Variants in RIMS2 observed in about 807,000 individuals in gnomAD.
RIMS2 encodes the protein regulating synaptic membrane exocytosis 2.
RIMS2 carries 59 observed loss-of-function variants against 174.4 expected under a neutral mutation model. The observed-to-expected ratio is 0.34, with a 90% confidence interval of 0.27 to 0.42. The LOEUF is 0.42. Ranked by LOEUF, RIMS2 falls within the 10% of genes least tolerant of loss-of-function variation. The pLI, the probability that RIMS2 is intolerant of heterozygous loss-of-function variation, is 1.00. For synonymous variants in RIMS2, 606 were observed against 572.5 expected, an observed-to-expected ratio of 1.06 and a Z score of -0.84; for missense variants, 1,620 against 1,666.3, an observed-to-expected ratio of 0.97 and a Z score of 0.48.
chr8:103,692,767 CCAGA>C (rs761826227), intron 1 of RIMS2, among the ~76,000 whole-genome samples: 6 of 152,134 alleles, frequency 3.9e-5, no homozygotes, highest in South Asian at 2.1e-4. Context: ...ATCCAAGGTG[CCAGA>C]CAAAGTCCTT....
In RIMS2 at chr8:103,507,365, C is replaced by T. The variant is rs144552329; in HGVS notation, c.176+6303C>T. On this transcript the variant is annotated intron_variant, in intron 1 of 23. Transcript: ENST00000504942. ...TCTGTCCACTCTGCTAGATTATCAA[C>T]TCAAAGAGAGCACACACCATGTCTG... Among the ~76,000 whole-genome samples the T allele has an allele frequency of 4.9e-4, 75 of 152,234 alleles. 2 individuals carry two copies. In the East Asian group the frequency reaches 0.013, roughly 27 times the overall value.
At chr8:103,954,186 A>G (rs529414236) in intron 14 of RIMS2, among the ~76,000 whole-genome samples, 4 of 152,290 alleles carry the variant, frequency 2.6e-5, no homozygotes, top group African/African-American at 9.6e-5. Context: ...TCAACATTAG[A>G]CAGATCAACG....
chr8:104,251,143 C>T (rs777274508), exon 23 of RIMS2: 2 of 1,612,074 alleles, frequency 1.2e-6, no homozygotes, highest in Non-Finnish European at 8.5e-7. Context: ...CGAAGAGAGT[C>T]CACAAGGAAA....
chr8:104,090,455 A>T (rs2097631009), intron 19 of RIMS2, among the ~76,000 whole-genome samples: 1 of 151,802 alleles, frequency 6.6e-6, no homozygotes, highest in Non-Finnish European at 1.5e-5. Context: ...AACTACTGAA[A>T]TTGAAAAGCC....
rs139843241 is a variant in RIMS2 at position 104,106,795 on chromosome 8, G to C, written c.3334+92180G>C. Among the ~76,000 whole-genome samples, 279 of 152,266 alleles carry C rather than the reference G, an allele frequency of 1.8e-3. 4 individuals carry two copies. The highest frequency in any genetic ancestry group is 0.01 in the Middle Eastern group (3 of 290). On this transcript the variant is annotated intron_variant, in intron 19 of 23. Coordinates refer to ENST00000504942, the Ensembl canonical transcript of RIMS2. Reference sequence around the variant, plus strand: ...AACTAAATGCAGTATTCTGACCAGTGATTCCCTCATAATCATGTTTATCCC... The same window carrying C: ...AACTAAATGCAGTATTCTGACCAGTCATTCCCTCATAATCATGTTTATCCC...
At chr8:103,698,451 A>G (rs2097131984) in intron 2 of RIMS2, among the ~76,000 whole-genome samples, 1 of 152,184 alleles carries the variant, frequency 6.6e-6, no homozygotes, top group Admixed American at 6.5e-5. Context: ...AAGATCAGGA[A>G]TAGATGTTGG....
chr8:103,885,593 C>A, exon 4 of RIMS2: 1 of 1,612,910 alleles, frequency 6.2e-7, no homozygotes, highest in Non-Finnish European at 8.5e-7. Context: ...GTACCAGTCA[C>A]GCTACCGAAG....
intron 2 of RIMS2, among the ~76,000 whole-genome samples, chr8:103,751,622 T>C (rs948962545): frequency 6.6e-6 from 1 of 151,372 alleles, no homozygotes; most frequent in Non-Finnish European, 1.5e-5. Context: ...TTTCCTGACT[T>C]TTTAATGATT....
At position 103,766,500 on chromosome 8, in the gene RIMS2, G is replaced by A. The variant is rs769411792; in HGVS notation, c.661G>A (p.Val221Met). ...GCATTCTATTAAAAATGGGTCAGGC[G>A]TGAAGCATCACATTGCCAGTGACAT... Residue 221 changes from valine (V) to methionine (M), a missense_variant, in exon 3 of 24, where the codon GTG (valine) becomes ATG (methionine). Physicochemically the swap from Val to Met is conservative, Grantham distance 21 (BLOSUM62 1). Transcript: ENST00000504942. 3.0e-5 allele frequency: 49 copies of A among 1,613,592 alleles called. 2 individuals are homozygous for A. The South Asian group carries it at 3.8e-4, about 13-fold the overall frequency.
rs1183741701 is a variant in RIMS2, at chr8:103,967,851, C to CTTTTTTTTTT, written c.2770+6729_2770+6738dup. ...TCTAAAATTAGTGTACCTACTCCTG[C>CTTTTTTTTTT]TTTTTTTTTTTTTTTTTTTTGAGAC... On this transcript the variant is annotated intron_variant, in intron 15 of 23. Coordinates refer to ENST00000504942, the Ensembl canonical transcript of RIMS2. 1.5e-4 allele frequency among the ~76,000 whole-genome samples: 16 copies of CTTTTTTTTTT among 109,562 alleles called. 2 individuals are homozygous for CTTTTTTTTTT. The highest frequency in any genetic ancestry group is 2.6e-4 in the Non-Finnish European group (14 of 54,704). The allele number at this position is 109,562 out of a possible 152,430, so 71.9% of individuals were successfully genotyped here. A position where few individuals can be genotyped will look rare whatever the true frequency, so the allele number is the denominator to read the frequency against.
intron 4 of RIMS2, among the ~76,000 whole-genome samples, chr8:103,898,889 A>G (rs1411712793): frequency 2.7e-5 from 4 of 150,558 alleles, no homozygotes; most frequent in Non-Finnish European, 4.4e-5. Context: ...CCACCCCACA[A>G]CAGGCCCCAG....
intron 15 of RIMS2, among the ~76,000 whole-genome samples, chr8:103,972,749 A>T (rs1298394399): frequency 6.6e-6 from 1 of 152,112 alleles, no homozygotes; most frequent in East Asian, 1.9e-4. Context: ...TCTTTCTGAA[A>T]TGTCACCTTC....
chr8:104,156,449 T>A (rs951676038), intron 19 of RIMS2, among the ~76,000 whole-genome samples: 1 of 152,210 alleles, frequency 6.6e-6, no homozygotes, highest in African/African-American at 2.4e-5. Context: ...ACAGGTTTGA[T>A]AAGCAAACCA....
At chr8:103,522,661 C>G (rs767929255) in intron 1 of RIMS2, among the ~76,000 whole-genome samples, 19 of 152,138 alleles carry the variant, frequency 1.2e-4, no homozygotes, top group Non-Finnish European at 2.4e-4. Flanking sequence ...TTTATTCTCT[C>G]CTCAGTCCCT....
intron 3 of RIMS2, among the ~76,000 whole-genome samples, chr8:103,829,953 T>C (rs1289865466): frequency 6.6e-6 from 1 of 152,238 alleles, no homozygotes; most frequent in Non-Finnish European, 1.5e-5. Context: ...GATGAGGTTT[T>C]ATGTTCAATC....
intron 13 of RIMS2, among the ~76,000 whole-genome samples, chr8:103,937,440 A>G (rs2081525177): frequency 1.3e-5 from 2 of 152,330 alleles, no homozygotes; most frequent in Admixed American, 1.3e-4. Context: ...AAGCCCTACA[A>G]TGTAACAGGC....
At chr8:104,024,139 G>A (rs2096186758) in intron 19 of RIMS2, among the ~76,000 whole-genome samples, 1 of 152,148 alleles carries the variant, frequency 6.6e-6, no homozygotes, top group Non-Finnish European at 1.5e-5. Context: ...GCCGTGAGGA[G>A]AGGTCAAAGA....
intron 2 of RIMS2, among the ~76,000 whole-genome samples, chr8:103,723,631 G>A (rs1234018727): frequency 6.6e-6 from 1 of 152,218 alleles, no homozygotes; most frequent in East Asian, 1.9e-4. Flanking sequence ...GGGACTGTGG[G>A]TGCTGGCATG....
At chr8:103,812,507 G>A (rs369366022) in intron 3 of RIMS2, among the ~76,000 whole-genome samples, 2 of 151,758 alleles carry the variant, frequency 1.3e-5, no homozygotes, top group South Asian at 4.2e-4. Context: ...TCAGCTTCCC[G>A]AGTAGCTGGG....
Sources: allele counts gnomAD v4.1 joint callset (sites outside exome capture counted in the v4.1 genomes callset), GRCh38; gene constraint gnomAD v4.1.1; transcripts MANE v1.5; gene names NCBI Gene and HGNC (gene_info 2026-07-23, HGNC 2026-07-21).